Variants in CDYL observed in about 807,000 individuals in gnomAD.
The protein encoded by CDYL is chromodomain Y like, also known as chromodomain Y-like protein.
CDYL carries 8 observed loss-of-function variants against 47.3 expected under a neutral mutation model. That is an observed-to-expected ratio of 0.17 (90% CI 0.10 to 0.31). CDYL has a LOEUF of 0.31. Ranked by LOEUF, CDYL falls within the 10% of genes least tolerant of loss-of-function variation. The pLI is 1.00. For synonymous variants in CDYL, 266 were observed against 265.0 expected, an observed-to-expected ratio of 1.00 and a Z score of -0.04; for missense variants, 471 against 701.4, an observed-to-expected ratio of 0.67 and a Z score of 3.71.
intron 3 of CDYL, among the ~76,000 whole-genome samples, chr6:4,747,826 G>A (rs907734049): frequency 6.6e-6 from 1 of 152,118 alleles, no homozygotes; most frequent in African/African-American, 2.4e-5. Flanking sequence ...GAATCATTAG[G>A]GACTTCTTCA....
intron 1 of CDYL, among the ~76,000 whole-genome samples, chr6:4,808,394 A>G (rs1759432349): frequency 6.6e-6 from 1 of 151,784 alleles, no homozygotes. Context: ...TTAATTGTTA[A>G]CTCCTTTCTC....
chr6:4,924,582 T>C (rs908089626), intron 2 of CDYL, among the ~76,000 whole-genome samples: 1 of 152,232 alleles, frequency 6.6e-6, no homozygotes, highest in Non-Finnish European at 1.5e-5. Context: ...TCACTCCCCA[T>C]TGAGCTCTTG....
At chr6:4,864,805 CTT>C (rs758485723) in intron 1 of CDYL, among the ~76,000 whole-genome samples, 1 of 152,160 alleles carries the variant, frequency 6.6e-6, no homozygotes, top group Non-Finnish European at 1.5e-5. Flanking sequence ...AATTAAACCT[CTT>C]TTTGTTCTCA....
chr6:4,849,156 T>C (rs1274769417), intron 1 of CDYL, among the ~76,000 whole-genome samples: 2 of 152,190 alleles, frequency 1.3e-5, no homozygotes, highest in Non-Finnish European at 2.9e-5. Flanking sequence ...TTCTTTGCCT[T>C]AGTCCATCGT....
chr6:4,717,703 C>CAAAAAAAAAAAAAAA (rs200835710), intron 2 of CDYL, among the ~76,000 whole-genome samples: 6 of 49,348 alleles, frequency 1.2e-4, no homozygotes, highest in African/African-American at 3.7e-4. Context: ...AAGACCCTCA[C>CAAAAAAAAAAAAAAA]AAAAAAAAAA....
chr6:4,771,510 T>C (rs1366485392), upstream of CDYL, among the ~76,000 whole-genome samples: 4 of 152,196 alleles, frequency 2.6e-5, no homozygotes, highest in Non-Finnish European at 5.9e-5. Context: ...ATACTAGTGA[T>C]TGAAAAAAAA....
chr6:4,854,068 G>A (rs1760932350), intron 1 of CDYL, among the ~76,000 whole-genome samples: 1 of 152,192 alleles, frequency 6.6e-6, no homozygotes, highest in Non-Finnish European at 1.5e-5. Flanking sequence ...ACGTGTCCCT[G>A]GGGGTGTAGT....
intron 2 of CDYL, among the ~76,000 whole-genome samples, chr6:4,930,180 G>C (rs1757992458): frequency 6.6e-6 from 1 of 152,152 alleles, no homozygotes; most frequent in Admixed American, 6.5e-5. Context: ...AGGCAGACTT[G>C]AGATTATTCA....
At chr6:4,807,418 G>A (rs943379187) in intron 1 of CDYL, among the ~76,000 whole-genome samples, 2 of 151,876 alleles carry the variant, frequency 1.3e-5, no homozygotes, top group African/African-American at 4.8e-5. Context: ...GTGAAAATAG[G>A]GCATTTCTCC....
At chr6:4,756,771 CAG>C (rs1375919877) in intron 3 of CDYL, among the ~76,000 whole-genome samples, 2 of 152,060 alleles carry the variant, frequency 1.3e-5, no homozygotes, top group African/African-American at 4.8e-5. Flanking sequence ...ATAGAGGCAA[CAG>C]GGTATAATAA....
chr6:4,857,979 T>A (rs968806906), intron 1 of CDYL, among the ~76,000 whole-genome samples: 9 of 152,132 alleles, frequency 5.9e-5, no homozygotes, highest in African/African-American at 2.2e-4. Context: ...CCTTTCAGCC[T>A]AAAGGTTTTT....
intron 2 of CDYL, among the ~76,000 whole-genome samples, chr6:4,917,400 G>A (rs951511606): frequency 6.6e-5 from 10 of 152,308 alleles, no homozygotes; most frequent in African/African-American, 2.2e-4. Flanking sequence ...TGGTTCTGCC[G>A]CTAGCTTCTT....
At chr6:4,906,997 G>C (rs1046851467) in intron 2 of CDYL, among the ~76,000 whole-genome samples, 1 of 152,200 alleles carries the variant, frequency 6.6e-6, no homozygotes, top group African/African-American at 2.4e-5. Flanking sequence ...TTCACAAGGG[G>C]TTTTCTCATG....
chr6:4,924,570 C>T (rs1314062009), intron 2 of CDYL, among the ~76,000 whole-genome samples: 4 of 152,190 alleles, frequency 2.6e-5, no homozygotes, highest in African/African-American at 7.2e-5. Context: ...GCATTTCCAT[C>T]CTCACTCCCC....
intron 1 of CDYL, among the ~76,000 whole-genome samples, chr6:4,833,590 T>C (rs1240402109): frequency 0.028 from 4,140 of 148,478 alleles, 190 homozygotes; most frequent in African/African-American, 0.1. Context: ...CTATTAGGTC[T>C]GCTTGGTGCA....
chr6:4,903,004 C>T (rs1290179539), intron 2 of CDYL, among the ~76,000 whole-genome samples: 1 of 152,226 alleles, frequency 6.6e-6, no homozygotes, highest in African/African-American at 2.4e-5. Flanking sequence ...ATTGTTTACA[C>T]ACATTAGGGG....
chr6:4,953,821 C>T (rs1758783966), intron 6 of CDYL, 77 bp from the exon 7 acceptor site: 2 of 1,373,586 alleles, frequency 1.5e-6, no homozygotes, highest in Non-Finnish European at 2.0e-6. Flanking sequence ...ATGATTGCCT[C>T]CGTAAATGTG....
At chr6:4,711,338 G>A (rs4960033) in intron 1 of CDYL, among the ~76,000 whole-genome samples, 30,753 of 152,116 alleles carry the variant, frequency 0.2, 3,943 homozygotes, top group East Asian at 0.33. Context: ...ACCTTGACCC[G>A]AATCTAGCAA....
intron 3 of CDYL, among the ~76,000 whole-genome samples, chr6:4,763,966 G>A (rs933229392): frequency 6.6e-6 from 1 of 151,924 alleles, no homozygotes; most frequent in Non-Finnish European, 1.5e-5. Context: ...AGAAAAATTT[G>A]TTGTAAAGTT....
Sources: gnomAD v4.1 joint callset for allele counts (sites outside exome capture counted in the v4.1 genomes callset) on GRCh38, gnomAD v4.1.1 for gene constraint, MANE v1.5 for transcripts, NCBI Gene and HGNC (gene_info 2026-07-23, HGNC 2026-07-21) for gene names.